VPS35L: variants seen among roughly 807,000 people sequenced by gnomAD.
VPS35L encodes VPS35 endosomal protein sorting factor like.
VPS35L carries 83 observed loss-of-function variants against 133.0 expected under a neutral mutation model. That is an observed-to-expected ratio of 0.62 (90% CI 0.52 to 0.75). The LOEUF is 0.75. Ranked by LOEUF, VPS35L falls within the 30% of genes least tolerant of loss-of-function variation. The pLI is 0.00. For synonymous variants in VPS35L, 423 were observed against 449.9 expected (o/e 0.94, Z 0.76); for missense variants, 1,083 against 1,206.8 (o/e 0.90, Z 1.52).
intron 19 of VPS35L, among the ~76,000 whole-genome samples, chr16:19,634,051 CTTTAT>C (rs1428959690): frequency 6.6e-6 from 1 of 151,948 alleles, no homozygotes; most frequent in African/African-American, 2.4e-5. Context: ...ACTACATATG[CTTTAT>C]CATTCACGCA....
intron 12 of VPS35L, among the ~76,000 whole-genome samples, chr16:19,613,664 A>T (rs775369822): frequency 6.6e-6 from 1 of 151,922 alleles, no homozygotes; most frequent in Non-Finnish European, 1.5e-5. Context: ...TTCTTGGTGG[A>T]TTACCTCGGG....
rs549968773 is a variant in VPS35L at position 19,627,599 on chromosome 16, G to C, written c.1272-95G>C. On this transcript the variant is annotated intron_variant, in intron 15 of 30. Transcript: ENST00000417362. ...TTTTCCCCAACCCTACCGCTAAAGA[G>C]CTGTTAGTCTTCCTTCCTGGCAATA... 3.3e-4 allele frequency: 320 copies of C among 964,662 alleles called. 3 individuals are homozygous for C. The South Asian group carries it at 4.1e-3, about 12-fold the overall frequency. The allele number at this position is 964,662 out of a possible 1,614,324, so 59.8% of individuals were successfully genotyped here.
intron 26 of VPS35L, among the ~76,000 whole-genome samples, chr16:19,666,979 T>TCTTCCCTTCTTC (rs1338609153): frequency 6.7e-6 from 1 of 149,278 alleles, no homozygotes; most frequent in African/African-American, 2.5e-5. Context: ...TTTCTTCCTT[T>TCTTCCCTTCTTC]CTTTCTTTCT....
intron 23 of VPS35L, among the ~76,000 whole-genome samples, chr16:19,645,975 T>C (rs915153234): frequency 2.0e-5 from 3 of 152,084 alleles, no homozygotes; most frequent in African/African-American, 7.2e-5. Context: ...GCTGTTTTTT[T>C]TGGGGGGGTC....
At chr16:19,664,905 A>C (rs1974611503) in intron 26 of VPS35L, among the ~76,000 whole-genome samples, 1 of 152,038 alleles carries the variant, frequency 6.6e-6, no homozygotes, top group Non-Finnish European at 1.5e-5. Flanking sequence ...ATCTAAAAAA[A>C]AAAAAAAACA....
rs201807727 is a variant in VPS35L, at chr16:19,630,326, G to GTTT, written c.1554+529_1554+531dup. On this transcript the variant is annotated intron_variant, in intron 18 of 30. Transcript: ENST00000417362. ...TGTTTATTTTAATCAAGTCCTAAAA[G>GTTT]TTTTTTTTTTTTTTTTTTTTTTTTT... Among the ~76,000 whole-genome samples, 533 of 106,510 alleles carry GTTT rather than the reference G, an allele frequency of 5.0e-3. 8 individuals carry two copies. Among genetic ancestry groups the GTTT allele is most frequent in the African/African-American group, 9.3e-3 (251 of 27,010 alleles). 69.9% of individuals were successfully genotyped at this position (106,510 alleles called of 152,430 possible).
intron 27 of VPS35L, among the ~76,000 whole-genome samples, chr16:19,674,766 A>T (rs1182464416): frequency 6.6e-6 from 1 of 152,082 alleles, no homozygotes; most frequent in East Asian, 1.9e-4. Flanking sequence ...TGATTCTATG[A>T]ATCTATTTTA....
chr16:19,629,316 C>T (rs1446798009), intron 17 of VPS35L, among the ~76,000 whole-genome samples: 1 of 152,066 alleles, frequency 6.6e-6, no homozygotes, highest in African/African-American at 2.4e-5. Flanking sequence ...ATACATTTTT[C>T]CCTAAAGAAA....
intron 8 of VPS35L, among the ~76,000 whole-genome samples, chr16:19,601,309 A>ACAC (rs1972375091): frequency 2.0e-5 from 3 of 152,284 alleles, no homozygotes; most frequent in Admixed American, 2.0e-4. Context: ...TGGAGTGGCC[A>ACAC]TGCACAACTG....
rs56165200 is a variant in VPS35L at position 19,662,453 on chromosome 16, A to G, written c.2222-6707A>G. Among the ~76,000 whole-genome samples the G allele has an allele frequency of 5.8e-3, 886 of 152,346 alleles. 12 individuals carry two copies. Among genetic ancestry groups the G allele is most frequent in the African/African-American group, 0.02 (828 of 41,582 alleles). ...TATTTTGCCTGTCAGCATGGCTAAG[A>G]GGCTCTGCTGCCTGACTACAGCATT... On this transcript the variant is annotated intron_variant, in intron 26 of 30. Coordinates refer to ENST00000417362, the MANE Select transcript of VPS35L (RefSeq NM_020314.7).
intron 27 of VPS35L, among the ~76,000 whole-genome samples, chr16:19,679,165 G>T (rs917717132): frequency 2.9e-5 from 4 of 137,822 alleles, no homozygotes; most frequent in African/African-American, 1.1e-4. Context: ...GCGGGGGGGC[G>T]GGGAGGTTCC....
Position 19,608,224 on chromosome 16 carries a change from C to T in VPS35L, c.831C>T (p.Cys277=), listed in dbSNP as rs2151544878. 1 of 1,613,010 alleles carries T rather than the reference C, an allele frequency of 6.2e-7. No homozygotes were observed. Among genetic ancestry groups the T allele is most frequent in the South Asian group, 1.1e-5 (1 of 91,040 alleles). Residue 277 remains cysteine (C), a synonymous_variant, in exon 10 of 31, where the codon TGC becomes TGT. Transcript: ENST00000417362. ...ENANDTAKET[C]LNWFFKIASI... ...CAAATGACACGGCCAAGGAAACATG[C>T]CTAAATTGGTTTTTCAAGATTGCCT...
At position 19,659,132 on chromosome 16, in the gene VPS35L, A is replaced by G. The variant is rs185581846; in HGVS notation, c.2221+7042A>G. Among the ~76,000 whole-genome samples, 148 of 152,336 alleles carry G rather than the reference A, an allele frequency of 9.7e-4. 1 individual carries two copies. Among genetic ancestry groups the G allele is most frequent in the African/African-American group, 3.5e-3 (144 of 41,574 alleles). Reference sequence around the variant, plus strand: ...TGAGCATTAGATAAACTAGGAAACAAAGAACCAAAATTAAGATAAGGAATA... The same window carrying G: ...TGAGCATTAGATAAACTAGGAAACAGAGAACCAAAATTAAGATAAGGAATA... On this transcript the variant is annotated intron_variant, in intron 26 of 30. Coordinates refer to ENST00000417362, the MANE Select transcript of VPS35L (RefSeq NM_020314.7).
At chr16:19,656,084 G>GCC (rs1974288067) in intron 26 of VPS35L, among the ~76,000 whole-genome samples, 1 of 151,850 alleles carries the variant, frequency 6.6e-6, no homozygotes, top group Non-Finnish European at 1.5e-5. Flanking sequence ...CCAACATGGT[G>GCC]AAACCCCGTC....
intron 26 of VPS35L, among the ~76,000 whole-genome samples, chr16:19,662,776 A>G (rs1384547827): frequency 2.0e-5 from 3 of 152,230 alleles, no homozygotes; most frequent in Non-Finnish European, 4.4e-5. Flanking sequence ...CCGGCCTTCC[A>G]AGAAAGCTTG....
intron 7 of VPS35L, among the ~76,000 whole-genome samples, chr16:19,591,552 CA>C (rs35875567): frequency 0.23 from 28,696 of 124,284 alleles, 2,868 homozygotes; most frequent in African/African-American, 0.3. Context: ...CCCATCTCTA[CA>C]AAAAAAAAAA....
At chr16:19,678,133 T>C (rs140187189) in intron 27 of VPS35L, among the ~76,000 whole-genome samples, 1 of 152,292 alleles carries the variant, frequency 6.6e-6, no homozygotes, top group Non-Finnish European at 1.5e-5. Context: ...GCAAAAGTAA[T>C]TGTGGGTTTT....
intron 22 of VPS35L, among the ~76,000 whole-genome samples, chr16:19,642,926 T>G (rs1973830207): frequency 6.6e-6 from 1 of 152,226 alleles, no homozygotes; most frequent in Non-Finnish European, 1.5e-5. Context: ...GTCACTGCCT[T>G]CTGGTTTTTG....
chr16:19,581,830 C>A, intron 7 of VPS35L, 177 bp downstream of exon 7: 1 of 772,682 alleles, frequency 1.3e-6, no homozygotes, highest in Non-Finnish European at 2.0e-6. Context: ...TATGAGATGG[C>A]TAATCCCAGG....
Sources: gnomAD v4.1 joint callset for allele counts (sites outside exome capture counted in the v4.1 genomes callset) on GRCh38, gnomAD v4.1.1 for gene constraint, MANE v1.5 for transcripts, NCBI Gene and HGNC (gene_info 2026-07-23, HGNC 2026-07-21) for gene names.